The following ADK variants were observed in gnomAD, a reference collection of about 807,000 sequenced individuals.
The protein encoded by ADK is adenosine kinase.
In ADK, 24 loss-of-function variants were observed where a neutral mutation model predicts 44.7. The observed-to-expected ratio is 0.54, with a 90% CI of 0.39 to 0.76. ADK has a LOEUF of 0.76. ADK is among the 30% of genes least tolerant of loss of function. The probability of loss-of-function intolerance (pLI) is 0.00; values close to 1 mark genes in which losing one functional copy is unlikely to be tolerated. For synonymous variants in ADK, 128 were observed against 142.6 expected, an observed-to-expected ratio of 0.90 and a Z score of 0.73; for missense variants, 321 against 425.1, an observed-to-expected ratio of 0.76 and a Z score of 2.15.
chr10:74,349,079 C>T (rs1038239312), intron 4 of ADK, among the ~76,000 whole-genome samples: 7 of 151,538 alleles, frequency 4.6e-5, no homozygotes, highest in African/African-American at 1.5e-4. Context: ...CAAAGATACT[C>T]CTTGAGAAGA....
At chr10:74,568,204 G>A (rs991656726) in intron 7 of ADK, among the ~76,000 whole-genome samples, 1 of 152,174 alleles carries the variant, frequency 6.6e-6, no homozygotes, top group African/African-American at 2.4e-5. Context: ...CATTTTATGT[G>A]TGGCCCAAGA....
chr10:74,425,825 C>T (rs552127505), intron 6 of ADK, among the ~76,000 whole-genome samples: 16 of 152,122 alleles, frequency 1.1e-4, no homozygotes, highest in African/African-American at 3.9e-4. Context: ...AAAAAAGATT[C>T]TTTTGTTTTC....
At chr10:74,292,417 T>G (rs1228532444) in intron 3 of ADK, among the ~76,000 whole-genome samples, 1 of 152,184 alleles carries the variant, frequency 6.6e-6, no homozygotes, top group Non-Finnish European at 1.5e-5. Flanking sequence ...TGCCCTGTAG[T>G]ATAGCACTCT....
At chr10:74,413,285 A>T (rs756984626) in intron 6 of ADK, among the ~76,000 whole-genome samples, 1 of 152,056 alleles carries the variant, frequency 6.6e-6, no homozygotes, top group Non-Finnish European at 1.5e-5. Context: ...CCAAGCATTT[A>T]CTTCTTTTTA....
chr10:74,544,898 CTT>C (rs112304458), intron 7 of ADK, among the ~76,000 whole-genome samples: 5 of 142,484 alleles, frequency 3.5e-5, no homozygotes, highest in East Asian at 2.1e-4. Context: ...TTCTTTCTTT[CTT>C]TTTTTTTTTT....
At chr10:74,185,252 A>T (rs1842703710) in intron 1 of ADK, among the ~76,000 whole-genome samples, 2 of 152,218 alleles carry the variant, frequency 1.3e-5, no homozygotes, top group Non-Finnish European at 2.9e-5. Flanking sequence ...GTTTTGCTGT[A>T]AAGGAGAGCA....
chr10:74,234,604 T>C (rs1370367867), intron 3 of ADK, among the ~76,000 whole-genome samples: 2 of 152,316 alleles, frequency 1.3e-5, no homozygotes, highest in South Asian at 4.1e-4. Flanking sequence ...TCACAATTTG[T>C]AGGTAATACT....
intron 1 of ADK, among the ~76,000 whole-genome samples, chr10:74,160,736 G>C (rs1380285658): frequency 2.1e-5 from 3 of 140,434 alleles, no homozygotes; most frequent in East Asian, 4.0e-4. Context: ...TGTGTAGGTA[G>C]TACTAGGTAT....
At chr10:74,534,784 A>G (rs774646051) in intron 7 of ADK, among the ~76,000 whole-genome samples, 47 of 152,240 alleles carry the variant, frequency 3.1e-4, no homozygotes, top group Admixed American at 2.6e-4. Flanking sequence ...CTGTTAAAAC[A>G]TAATGAATAT....
intron 3 of ADK, among the ~76,000 whole-genome samples, chr10:74,287,745 T>A (rs1847235003): frequency 6.6e-6 from 1 of 152,062 alleles, no homozygotes; most frequent in Non-Finnish European, 1.5e-5. Flanking sequence ...TTGCCTGTAA[T>A]CCCAGCATTT....
intron 6 of ADK, among the ~76,000 whole-genome samples, chr10:74,422,601 A>T (rs1844597862): frequency 6.6e-6 from 1 of 152,120 alleles, no homozygotes; most frequent in Non-Finnish European, 1.5e-5. Context: ...TAAACTTGCA[A>T]TTTTTCTGTA....
intron 2 of ADK, among the ~76,000 whole-genome samples, chr10:74,217,656 T>C (rs944079402): frequency 1.3e-5 from 2 of 152,254 alleles, no homozygotes; most frequent in Admixed American, 6.5e-5. Flanking sequence ...CATGGCCGGG[T>C]ACTCCTCTGA....
In ADK at chr10:74,456,746, A is replaced by G. The variant is rs574012601; in HGVS notation, c.555+58167A>G. Reference sequence around the variant, plus strand: ...TGAATGAATATTAGGTAAATAATGAAATTAAGACAGAAATAAAGCAGTTCT... The same window carrying G: ...TGAATGAATATTAGGTAAATAATGAGATTAAGACAGAAATAAAGCAGTTCT... On this transcript the variant is annotated intron_variant, in intron 6 of 10. Coordinates refer to ENST00000539909, the MANE Select transcript of ADK (RefSeq NM_006721.4). Among the ~76,000 whole-genome samples, 174 of 152,134 alleles carry G rather than the reference A, an allele frequency of 1.1e-3. 1 individual carries two copies. The highest frequency in any genetic ancestry group is 2.2e-3 in the Non-Finnish European group (148 of 67,988).
intron 6 of ADK, among the ~76,000 whole-genome samples, chr10:74,452,719 T>C (rs1163130079): frequency 6.6e-6 from 1 of 152,046 alleles, no homozygotes; most frequent in African/African-American, 2.4e-5. Context: ...ATTTCCCTAT[T>C]GGACTACCAG....
At chr10:74,301,508 T>G (rs1477636345) in intron 3 of ADK, among the ~76,000 whole-genome samples, 1 of 137,080 alleles carries the variant, frequency 7.3e-6, no homozygotes, top group Non-Finnish European at 1.5e-5. Context: ...AATGAGACTC[T>G]GTCTCAAAAA....
intron 6 of ADK, among the ~76,000 whole-genome samples, chr10:74,405,762 G>A (rs1055122190): frequency 1.1e-4 from 17 of 152,080 alleles, no homozygotes; most frequent in Admixed American, 2.0e-4. Flanking sequence ...TGCCAAAAAC[G>A]TTGGAGACTT....
intron 6 of ADK, among the ~76,000 whole-genome samples, chr10:74,477,560 T>G (rs747531730): frequency 6.6e-6 from 1 of 152,182 alleles, no homozygotes; most frequent in Non-Finnish European, 1.5e-5. Context: ...CTTCATTCTC[T>G]TTTCCTAGAA....
intron 6 of ADK, among the ~76,000 whole-genome samples, chr10:74,476,216 G>A (rs1846831903): frequency 6.6e-6 from 1 of 152,070 alleles, no homozygotes; most frequent in African/African-American, 2.4e-5. Context: ...ATTGCTGGCT[G>A]GGTACAGTGG....
intron 1 of ADK, among the ~76,000 whole-genome samples, chr10:74,191,751 A>G (rs7097778): frequency 0.74 from 112,052 of 152,140 alleles, 41,972 homozygotes; most frequent in Middle Eastern, 0.85. Context: ...GTATTAAATT[A>G]ACTATAGACG....
Sources: gnomAD v4.1 joint callset for allele counts (sites outside exome capture counted in the v4.1 genomes callset) on GRCh38, gnomAD v4.1.1 for gene constraint, MANE v1.5 for transcripts, NCBI Gene and HGNC (gene_info 2026-07-23, HGNC 2026-07-21) for gene names.